Variants in FGF13 observed in about 807,000 individuals in gnomAD.
FGF13 encodes fibroblast growth factor 13.
In FGF13, 2 loss-of-function variants were observed where a neutral mutation model predicts 19.5. The ratio of observed to expected loss-of-function variants is 0.10; its 90% CI spans 0.04 to 0.32. The LOEUF is 0.32. Among genes scored for constraint, FGF13 ranks in the 10% least tolerant of loss-of-function variants. The probability of loss-of-function intolerance (pLI) is 1.00; values close to 1 mark genes in which losing one functional copy is unlikely to be tolerated. For missense variants in FGF13, 113 were observed against 192.7 expected, an observed-to-expected ratio of 0.59 and a Z score of 2.45; for synonymous variants, 72 against 76.9, an observed-to-expected ratio of 0.94 and a Z score of 0.33.
At chrX:138,904,796 A>G (rs2091549179) in intron 1 of FGF13, among the ~76,000 whole-genome samples, 1 of 111,488 alleles carries the variant, frequency 9.0e-6, no homozygotes, top group African/African-American at 3.3e-5. Flanking sequence ...CTCCAAGAGA[A>G]CAAATCACAT....
Position 138,621,997 on chromosome X carries a change from C to T in FGF13, c.*10853G>A, listed in dbSNP as rs1269856048. On this transcript the variant is annotated 3_prime_UTR_variant, in exon 5 of 5. Coordinates refer to ENST00000315930, the MANE Select transcript of FGF13 (RefSeq NM_004114.5). ...AGTAAAGCCCAGAACCAGATGGCTT[C>T]AGTGGTGAATTCTACCCAACATTTA... is the stretch of plus-strand genomic sequence containing the variant. 9.1e-6 allele frequency: 1 copy of T among 110,382 alleles called. No individual in the cohort carries two copies. Among genetic ancestry groups the T allele is most frequent in the African/African-American group, 3.3e-5 (1 of 30,389 alleles). 9.1% of individuals were successfully genotyped at this position (110,382 alleles called of 1,213,427 possible). A position where few individuals can be genotyped will look rare whatever the true frequency, so the allele number is the denominator to read the frequency against.
At chrX:138,706,421 A>G (rs1242842861) in intron 2 of FGF13, among the ~76,000 whole-genome samples, 1 of 112,435 alleles carries the variant, frequency 8.9e-6, no homozygotes, top group Non-Finnish European at 1.9e-5. Context: ...ATATGTTTTC[A>G]GAAATGGATA....
chrX:139,166,663 T>A (rs1392445250), intron 1 of FGF13, among the ~76,000 whole-genome samples: 1 of 111,216 alleles, frequency 9.0e-6, no homozygotes, highest in African/African-American at 3.3e-5. Flanking sequence ...AAGTGAGGCC[T>A]AATTGGAGGT....
chrX:138,988,374 T>C lies in FGF13; in HGVS notation c.-112-123724A>G, dbSNP rs2092001827. ...TACCATGTGTTTCATAAATATTTGT[T>C]GAATGAACAAATGAATAACTGAATG... On this transcript the variant is annotated intron_variant, in intron 1 of 2. Coordinates refer to the FGF13 transcript ENST00000421460. Among the ~76,000 whole-genome samples the C allele has an allele frequency of 2.7e-5, 3 of 112,489 alleles. No individual in the cohort carries two copies. In the South Asian group the frequency reaches 1.1e-3, roughly 41 times the overall value.
intron 1 of FGF13, among the ~76,000 whole-genome samples, chrX:139,194,959 C>A (rs2084360499): frequency 8.9e-6 from 1 of 112,029 alleles, no homozygotes; most frequent in Non-Finnish European, 1.9e-5. Context: ...CTGCCCACCG[C>A]CGCTGCCGCC....
rs770401181 is a variant in FGF13, at chrX:138,836,195, T to C, written c.217+21317A>G. Among the ~76,000 whole-genome samples, 12 of 111,464 alleles carry C rather than the reference T, an allele frequency of 1.1e-4. No homozygotes were observed. The East Asian group carries it at 3.1e-3, about 29-fold the overall frequency. ...ATCTTATCGTAGAGTATCTTAGTGG[T>C]ATCCTCTGCATTTCCTGAAATTTGA... On this transcript the variant is annotated intron_variant, in intron 3 of 6. Transcript: ENST00000436198.
intron 1 of FGF13, among the ~76,000 whole-genome samples, chrX:138,872,097 T>C (rs946994770): frequency 1.8e-5 from 2 of 111,884 alleles, no homozygotes; most frequent in African/African-American, 6.5e-5. Context: ...AGTTGTGTAG[T>C]TGGGAAGAAG....
At chrX:138,874,038 A>G (rs2091373325) in intron 1 of FGF13, among the ~76,000 whole-genome samples, 2 of 103,389 alleles carry the variant, frequency 1.9e-5, no homozygotes. Flanking sequence ...TAGCATTAGG[A>G]GATATACCTA....
At chrX:139,082,278 C>T (rs1285519209) in intron 1 of FGF13, among the ~76,000 whole-genome samples, 6 of 111,313 alleles carry the variant, frequency 5.4e-5, no homozygotes, top group South Asian at 3.8e-4. Context: ...TCAAATGTCC[C>T]CTCTTCAGAA....
chrX:138,803,928 T>C (rs772472197), intron 3 of FGF13, among the ~76,000 whole-genome samples: 12 of 111,797 alleles, frequency 1.1e-4, no homozygotes, highest in African/African-American at 3.9e-4. Context: ...TTTGATTTGA[T>C]GCCAAATGCA....
chrX:138,956,065 C>T (rs1243987872), intron 1 of FGF13, among the ~76,000 whole-genome samples: 2 of 111,456 alleles, frequency 1.8e-5, no homozygotes, highest in Non-Finnish European at 3.8e-5. Context: ...GGGATGGAGA[C>T]AAGCCCAATA....
chrX:138,719,422 CTA>C (rs1218244059), intron 1 of FGF13, among the ~76,000 whole-genome samples: 2 of 111,909 alleles, frequency 1.8e-5, no homozygotes, highest in Non-Finnish European at 3.8e-5. Context: ...TAATGTTATT[CTA>C]TGTTTCCTAG....
At chrX:139,023,862 C>T (rs1453029405) in intron 1 of FGF13, among the ~76,000 whole-genome samples, 4 of 111,238 alleles carry the variant, frequency 3.6e-5, no homozygotes, top group Non-Finnish European at 5.7e-5. Context: ...TGGATATCTG[C>T]AGCTGGTGAG....
intron 1 of FGF13, among the ~76,000 whole-genome samples, chrX:139,055,655 G>A (rs939258792): frequency 8.9e-6 from 1 of 112,493 alleles, no homozygotes; most frequent in Non-Finnish European, 1.9e-5. Context: ...ATGGTCTGCC[G>A]CTTCAGGCTT....
intron 3 of FGF13, among the ~76,000 whole-genome samples, chrX:138,782,562 A>G (rs1444924083): frequency 1.0e-4 from 11 of 106,782 alleles, no homozygotes; most frequent in African/African-American, 3.8e-4. Context: ...TCCCATTCAC[A>G]ATTGCTTCAA....
At chrX:138,785,508 T>C (rs1280967461) in intron 3 of FGF13, among the ~76,000 whole-genome samples, 1 of 111,487 alleles carries the variant, frequency 9.0e-6, no homozygotes, top group African/African-American at 3.3e-5. Flanking sequence ...TTATCAAAGT[T>C]ATCAACAACC....
At chrX:139,012,349 T>A (rs1036386149) in intron 1 of FGF13, among the ~76,000 whole-genome samples, 1 of 110,955 alleles carries the variant, frequency 9.0e-6, no homozygotes. Flanking sequence ...TAAACAATCC[T>A]AAAATTCAGA....
At chrX:138,796,336 C>T (rs1471478492) in intron 3 of FGF13, among the ~76,000 whole-genome samples, 1 of 111,584 alleles carries the variant, frequency 9.0e-6, no homozygotes, top group Non-Finnish European at 1.9e-5. Flanking sequence ...TTTTCCATTC[C>T]TGTGTTAGTT....
chrX:139,011,361 C>CAAAAAAAA (rs3047329), intron 1 of FGF13, among the ~76,000 whole-genome samples: 15 of 82,862 alleles, frequency 1.8e-4, no homozygotes, highest in African/African-American at 4.1e-4. Context: ...AACAAACAAA[C>CAAAAAAAA]AAAAAAAAAA....
Sources: allele counts gnomAD v4.1 joint callset (sites outside exome capture counted in the v4.1 genomes callset), GRCh38; gene constraint gnomAD v4.1.1; transcripts MANE v1.5; gene names NCBI Gene and HGNC (gene_info 2026-07-23, HGNC 2026-07-21).